KCTD1: variants seen among roughly 807,000 people sequenced by gnomAD.
KCTD1 encodes the protein potassium channel tetramerization domain containing 1.
KCTD1 carries 24 observed loss-of-function variants against 66.0 expected under a neutral mutation model. That is an observed-to-expected ratio of 0.36 (90% CI 0.26 to 0.51). The LOEUF is 0.51. Ranked by LOEUF, KCTD1 falls within the 20% of genes least tolerant of loss-of-function variation. KCTD1 has a pLI of 0.95. For missense variants in KCTD1, 943 were observed against 1,205.2 expected, an observed-to-expected ratio of 0.78 and a Z score of 3.22; for synonymous variants, 511 against 517.2, an observed-to-expected ratio of 0.99 and a Z score of 0.16.
intron 1 of KCTD1, among the ~76,000 whole-genome samples, chr18:26,546,199 GCTCTCCA>G (rs1480726434): frequency 6.8e-6 from 1 of 147,206 alleles, no homozygotes; most frequent in Non-Finnish European, 1.5e-5. Context: ...CAACTGCCTG[GCTCTCCA>G]CTCTCCACCC....
upstream of KCTD1, among the ~76,000 whole-genome samples, chr18:26,643,696 C>G (rs1460159554): frequency 6.6e-6 from 1 of 152,152 alleles, no homozygotes; most frequent in South Asian, 2.1e-4. Context: ...GGTGCGGTGG[C>G]TCACGCCTGT....
At chr18:26,586,140 G>A (rs1986466787) in intron 1 of KCTD1, among the ~76,000 whole-genome samples, 1 of 152,134 alleles carries the variant, frequency 6.6e-6, no homozygotes, top group African/African-American at 2.4e-5. Context: ...CAAATTAAAG[G>A]TCTGTGGCAA....
At chr18:26,467,767 A>T (rs1472396332) in intron 3 of KCTD1, among the ~76,000 whole-genome samples, 1 of 152,068 alleles carries the variant, frequency 6.6e-6, no homozygotes, top group Non-Finnish European at 1.5e-5. Flanking sequence ...GTGAGCCGAG[A>T]TTGCACCATT....
At chr18:26,541,857 G>C (rs1032595063) in intron 1 of KCTD1, among the ~76,000 whole-genome samples, 2 of 152,092 alleles carry the variant, frequency 1.3e-5, no homozygotes, top group African/African-American at 4.8e-5. Context: ...CTGTCATAAA[G>C]ACTCAAAACC....
chr18:26,496,102 T>C (rs1252703594), intron 2 of KCTD1, among the ~76,000 whole-genome samples: 1 of 152,092 alleles, frequency 6.6e-6, no homozygotes, highest in African/African-American at 2.4e-5. Flanking sequence ...TTATGAAAAA[T>C]TACTTAGTTA....
At chr18:26,631,238 T>A (rs1023134429), upstream of KCTD1, among the ~76,000 whole-genome samples, 1 of 152,246 alleles carries the variant, frequency 6.6e-6, no homozygotes, top group African/African-American at 2.4e-5. Context: ...CATTCATGTA[T>A]CACTTAACTA....
chr18:26,627,838 A>G (rs547629), intron 1 of KCTD1, among the ~76,000 whole-genome samples: 83,936 of 152,086 alleles, frequency 0.55, 23,839 homozygotes, highest in East Asian at 0.65. Flanking sequence ...GCCACTCTTA[A>G]TAGAAGCCAT....
chr18:26,495,375 G>C (rs528114707), intron 2 of KCTD1, among the ~76,000 whole-genome samples: 80 of 152,136 alleles, frequency 5.3e-4, no homozygotes, highest in African/African-American at 1.8e-3. Flanking sequence ...ATTTCCTTTT[G>C]GTGTAGCTCC....
Position 26,532,411 on chromosome 18 carries a change from G to A in KCTD1, c.1809+14317C>T, listed in dbSNP as rs553136589. Among the ~76,000 whole-genome samples, 26 of 151,610 alleles carry A rather than the reference G, an allele frequency of 1.7e-4. No homozygotes were observed. The South Asian group carries it at 5.2e-3, about 30-fold the overall frequency. On this transcript the variant is annotated intron_variant, in intron 1 of 4. Coordinates refer to ENST00000580059, the MANE Select transcript of KCTD1 (RefSeq NM_001142730.3). Reference sequence around the variant, plus strand: ...CCAGGGTAGCTGGGAGTACAGACATGCACTCCCACACCCAGCTACATTTTT... The same window carrying A: ...CCAGGGTAGCTGGGAGTACAGACATACACTCCCACACCCAGCTACATTTTT...
At chr18:26,513,258 T>A (rs1330154388) in intron 1 of KCTD1, among the ~76,000 whole-genome samples, 1 of 152,032 alleles carries the variant, frequency 6.6e-6, no homozygotes, top group Admixed American at 6.5e-5. Flanking sequence ...GGGCTAATTT[T>A]TTGTATTTTT....
intron 2 of KCTD1, among the ~76,000 whole-genome samples, chr18:26,481,501 A>C (rs1418263120): frequency 6.6e-6 from 1 of 152,206 alleles, no homozygotes; most frequent in African/African-American, 2.4e-5. Context: ...AAGCAGCAGA[A>C]GCCAGATCGT....
chr18:26,603,156 C>T (rs1041854240), intron 1 of KCTD1, among the ~76,000 whole-genome samples: 1 of 152,010 alleles, frequency 6.6e-6, no homozygotes, highest in South Asian at 2.1e-4. Context: ...TAGGCCAGGC[C>T]CAGTGGCTCA....
upstream of KCTD1, among the ~76,000 whole-genome samples, chr18:26,550,737 G>A (rs992827462): frequency 3.3e-5 from 5 of 152,230 alleles, no homozygotes; most frequent in Admixed American, 3.3e-4. The surrounding 1 kb of genome is among the most constrained non-coding windows in gnomAD (Gnocchi z 5.4). Context: ...GCAGAAAGGC[G>A]TGCTCGTTTC....
At chr18:26,657,286 A>T in intron 1 of KCTD1, 1 of 973,914 alleles carries the variant, frequency 1.0e-6, no homozygotes, top group Non-Finnish European at 1.2e-6. Context: ...ACATGCGTAA[A>T]AGCGAGTTGC....
intron 1 of KCTD1, among the ~76,000 whole-genome samples, chr18:26,535,971 C>CAAAAAAAAAAAA (rs36119174): frequency 8.1e-6 from 1 of 122,818 alleles, no homozygotes. Context: ...GTGATTCCTC[C>CAAAAAAAAAAAA]AAAAAAAAAA....
intron 1 of KCTD1, among the ~76,000 whole-genome samples, chr18:26,596,216 G>A (rs1398828635): frequency 1.3e-5 from 2 of 152,128 alleles, no homozygotes; most frequent in Non-Finnish European, 2.9e-5. Context: ...CCATGAGGGT[G>A]AGACCTTCGA....
At chr18:26,635,416 A>C (rs529294925) in intron 1 of KCTD1, among the ~76,000 whole-genome samples, 1 of 152,362 alleles carries the variant, frequency 6.6e-6, no homozygotes, top group South Asian at 2.1e-4. Context: ...ATGGATAAGC[A>C]AGTTGAATCC....
At chr18:26,608,087 T>G (rs1254902374) in intron 1 of KCTD1, among the ~76,000 whole-genome samples, 1 of 152,218 alleles carries the variant, frequency 6.6e-6, no homozygotes, top group African/African-American at 2.4e-5. Flanking sequence ...TCTTAAAGTT[T>G]CTCAATTGTT....
At chr18:26,552,987 C>CT (rs773910506), upstream of KCTD1, among the ~76,000 whole-genome samples, 5,615 of 137,138 alleles carry the variant, frequency 0.041, 197 homozygotes, top group African/African-American at 0.1. Flanking sequence ...CTTTTTCTTT[C>CT]TTTTTTTTTT....
Sources: allele counts gnomAD v4.1 joint callset (sites outside exome capture counted in the v4.1 genomes callset), GRCh38; gene constraint gnomAD v4.1.1; non-coding constraint Gnocchi (gnomAD v3.1); transcripts MANE v1.5; gene names NCBI Gene and HGNC (gene_info 2026-07-23, HGNC 2026-07-21).